Variants in SGCZ observed in about 807,000 individuals in gnomAD.
SGCZ encodes the protein zeta-sarcoglycan.
In SGCZ, 40 loss-of-function variants were observed where a neutral mutation model predicts 41.3. That is an observed-to-expected ratio of 0.97 (90% CI 0.75 to 1.26). SGCZ has a LOEUF of 1.26. SGCZ is among the 50% of genes most tolerant of loss of function. The pLI, the probability that SGCZ is intolerant of heterozygous loss-of-function variation, is 0.00. For synonymous variants in SGCZ, 206 were observed against 137.5 expected, an observed-to-expected ratio of 1.50 and a Z score of -3.49; for missense variants, 552 against 369.8, an observed-to-expected ratio of 1.49 and a Z score of -4.04.
chr8:14,609,518 A>C lies in SGCZ; in HGVS notation c.40-54592T>G, dbSNP rs141961600. Among the ~76,000 whole-genome samples, 8 of 152,336 alleles carry C rather than the reference A, an allele frequency of 5.3e-5. No homozygotes were observed. In the East Asian group the frequency reaches 1.5e-3, roughly 29 times the overall value. ...ATGAAAAGTACTGCATGAAAAATTT[A>C]ACTGAAGATAGAGGTAAATTTTATC... On this transcript the variant is annotated intron_variant, in intron 1 of 7. Transcript: ENST00000382080.
At chr8:14,291,148 G>T (rs569362138) in intron 3 of SGCZ, among the ~76,000 whole-genome samples, 1 of 151,982 alleles carries the variant, frequency 6.6e-6, no homozygotes, top group Non-Finnish European at 1.5e-5. Flanking sequence ...GTAAAATAGC[G>T]GTTACCAGAA....
At chr8:14,222,295 G>C (rs572418718) in intron 4 of SGCZ, among the ~76,000 whole-genome samples, 1 of 151,512 alleles carries the variant, frequency 6.6e-6, no homozygotes, top group East Asian at 2.0e-4. Flanking sequence ...TCAGCCTCCC[G>C]AGTAGCTGGG....
rs528353113 is a variant in SGCZ, at chr8:14,290,305, G to A, written c.336+33798C>T. ...AAGGATCTTTTGTATGAAACCAGAG[G>A]TACATAGGCAACAAAAGAAAATATA... On this transcript the variant is annotated intron_variant, in intron 3 of 7. Transcript: ENST00000382080. Among the ~76,000 whole-genome samples the A allele has an allele frequency of 7.3e-5, 10 of 136,868 alleles. No homozygotes were observed. The South Asian group carries it at 2.5e-3, about 34-fold the overall frequency. 89.8% of individuals were successfully genotyped at this position (136,868 alleles called of 152,430 possible).
At chr8:15,093,112 G>A (rs1425521891) in intron 1 of SGCZ, among the ~76,000 whole-genome samples, 6 of 152,148 alleles carry the variant, frequency 3.9e-5, no homozygotes, top group African/African-American at 1.4e-4. Context: ...TCCATCAGCT[G>A]CAGCCATAAT....
chr8:14,631,247 A>G (rs1253533005), intron 1 of SGCZ, among the ~76,000 whole-genome samples: 2 of 151,476 alleles, frequency 1.3e-5, no homozygotes, highest in Admixed American at 6.6e-5. Flanking sequence ...GTGATCGGCT[A>G]ATGTAAAGGT....
chr8:15,077,364 T>G (rs935834343), intron 1 of SGCZ, among the ~76,000 whole-genome samples: 1 of 152,248 alleles, frequency 6.6e-6, no homozygotes, highest in Admixed American at 6.5e-5. Flanking sequence ...TTGCAGTAAT[T>G]TGGAGTGCTC....
At chr8:14,606,447 T>C (rs528920200) in intron 1 of SGCZ, among the ~76,000 whole-genome samples, 3 of 152,286 alleles carry the variant, frequency 2.0e-5, no homozygotes, top group African/African-American at 7.2e-5. Flanking sequence ...ATTCTCACTA[T>C]GTATTAAGTT....
chr8:14,298,030 T>C (rs1801071790), intron 3 of SGCZ, among the ~76,000 whole-genome samples: 1 of 152,024 alleles, frequency 6.6e-6, no homozygotes. Flanking sequence ...GGATTTATCC[T>C]AAGAATGTAG....
Position 15,134,708 on chromosome 8 carries a change from T to C in SGCZ, c.39+102877A>G, listed in dbSNP as rs146082484. 4.0e-3 allele frequency among the ~76,000 whole-genome samples: 614 copies of C among 152,340 alleles called. 6 individuals are homozygous for C. Among genetic ancestry groups the C allele is most frequent in the African/African-American group, 0.014 (589 of 41,576 alleles). ...ATTCAGAGTTTCTCAAGTTATTTCCTATGACACACTTGTGTTTGACAAAAT... is the reference window on the plus strand; with the variant it reads ...ATTCAGAGTTTCTCAAGTTATTTCCCATGACACACTTGTGTTTGACAAAAT... On this transcript the variant is annotated intron_variant, in intron 1 of 7. Transcript: ENST00000382080.
chr8:14,904,538 A>G (rs865910198), intron 1 of SGCZ, among the ~76,000 whole-genome samples: 8 of 152,102 alleles, frequency 5.3e-5, no homozygotes, highest in Admixed American at 3.3e-4. Context: ...TCATTATTAA[A>G]TAATTTCTGA....
intron 2 of SGCZ, among the ~76,000 whole-genome samples, chr8:14,338,072 G>C (rs777751054): frequency 6.6e-6 from 1 of 152,198 alleles, no homozygotes; most frequent in Admixed American, 6.5e-5. Flanking sequence ...GGATGCACAG[G>C]AGACTTAAGG....
At chr8:14,103,178 T>C (rs1213303919) in intron 6 of SGCZ, among the ~76,000 whole-genome samples, 1 of 151,912 alleles carries the variant, frequency 6.6e-6, no homozygotes, top group Non-Finnish European at 1.5e-5. Flanking sequence ...CGATTGAAGG[T>C]TGGCTACATA....
chr8:14,615,617 C>T (rs1304434755), intron 1 of SGCZ, among the ~76,000 whole-genome samples: 1 of 152,070 alleles, frequency 6.6e-6, no homozygotes, highest in African/African-American at 2.4e-5. Flanking sequence ...TAAACATCAC[C>T]CCGGAAGAAC....
At chr8:14,224,709 G>C (rs930284345) in intron 4 of SGCZ, among the ~76,000 whole-genome samples, 1 of 152,166 alleles carries the variant, frequency 6.6e-6, no homozygotes, top group Non-Finnish European at 1.5e-5. Flanking sequence ...TGGCCAGGGA[G>C]TAAGAGGCAT....
chr8:14,353,692 C>A (rs1803183720), intron 2 of SGCZ, among the ~76,000 whole-genome samples: 1 of 152,136 alleles, frequency 6.6e-6, no homozygotes, highest in Non-Finnish European at 1.5e-5. Flanking sequence ...ATTGTGATAA[C>A]CTTCTAACTG....
chr8:14,330,032 C>G (rs1382248266), intron 2 of SGCZ, among the ~76,000 whole-genome samples: 1 of 152,044 alleles, frequency 6.6e-6, no homozygotes, highest in African/African-American at 2.4e-5. Context: ...TACCGTATTC[C>G]AAAGAATTAC....
At chr8:14,956,171 C>G (rs1348947564) in intron 1 of SGCZ, among the ~76,000 whole-genome samples, 2 of 151,170 alleles carry the variant, frequency 1.3e-5, no homozygotes, top group South Asian at 4.2e-4. Context: ...TCCCGAGTAT[C>G]TGGGACTACA....
chr8:15,032,840 C>T (rs933072566), intron 1 of SGCZ, among the ~76,000 whole-genome samples: 1 of 152,122 alleles, frequency 6.6e-6, no homozygotes, highest in Non-Finnish European at 1.5e-5. Flanking sequence ...TCTAGGCCAG[C>T]CTCTGTGGAT....
intron 2 of SGCZ, among the ~76,000 whole-genome samples, chr8:14,504,674 TCA>T (rs1802253023): frequency 6.6e-6 from 1 of 152,174 alleles, no homozygotes; most frequent in Non-Finnish European, 1.5e-5. Flanking sequence ...TTTATTTTGT[TCA>T]CAGATGCCTG....
Sources: gnomAD v4.1 joint callset for allele counts (sites outside exome capture counted in the v4.1 genomes callset) on GRCh38, gnomAD v4.1.1 for gene constraint, MANE v1.5 for transcripts, NCBI Gene and HGNC (gene_info 2026-07-23, HGNC 2026-07-21) for gene names.